PCDHGB3: variants seen among roughly 807,000 people sequenced by gnomAD.
PCDHGB3 encodes protocadherin gamma-B3.
PCDHGB3 carries 40 observed loss-of-function variants against 59.2 expected under a neutral mutation model. That is an observed-to-expected ratio of 0.68 (90% CI 0.52 to 0.88). The LOEUF (loss-of-function observed/expected upper bound fraction) is 0.88, where lower values mean the gene tolerates loss of function less well. Ranked by LOEUF, PCDHGB3 falls within the 40% of genes least tolerant of loss-of-function variation. The probability of loss-of-function intolerance (pLI) is 0.00; values close to 1 mark genes in which losing one functional copy is unlikely to be tolerated. For synonymous variants in PCDHGB3, 581 were observed against 503.6 expected (o/e 1.15, Z -2.06); for missense variants, 1,309 against 1,187.9 (o/e 1.10, Z -1.50).
intron 1 of PCDHGB3, chr5:141,423,134 G>A: frequency 6.2e-7 from 1 of 1,613,680 alleles, no homozygotes; most frequent in South Asian, 1.1e-5. Flanking sequence ...CTGCTGGACA[G>A]AGACGCGCTC....
In PCDHGB3 at chr5:141,375,801, C is replaced by T; in HGVS notation, c.2415+2992C>T. ...CCCGCCCTCCCCACAGACGGTTCCA[C>T]TGGCGTGGAGCTGGCGCCCCGCTCC... On this transcript the variant is annotated intron_variant, in intron 1 of 3. Transcript: ENST00000576222. The T allele has an allele frequency of 2.5e-6, 4 of 1,614,248 alleles. No homozygotes were observed. The East Asian group carries it at 8.9e-5, about 36-fold the overall frequency.
At chr5:141,478,159 T>C (rs1456465606) in intron 1 of PCDHGB3, 2 of 1,614,064 alleles carry the variant, frequency 1.2e-6, no homozygotes, top group Admixed American at 1.7e-5. Flanking sequence ...CCTCTGGCTC[T>C]GCCCCCCGGG....
chr5:141,473,260 G>T (rs2099318007), intron 1 of PCDHGB3, among the ~76,000 whole-genome samples: 1 of 152,148 alleles, frequency 6.6e-6, no homozygotes, highest in South Asian at 2.1e-4. Flanking sequence ...ATAGTCCTTA[G>T]TGTATGCTAT....
At chr5:141,475,553 TTGTC>T (rs2099365287) in intron 1 of PCDHGB3, among the ~76,000 whole-genome samples, 2 of 152,260 alleles carry the variant, frequency 1.3e-5, no homozygotes, top group Non-Finnish European at 2.9e-5. Context: ...GTCCGGCTAA[TTGTC>T]TGTCTTCCAA....
intron 1 of PCDHGB3, chr5:141,412,954 C>A (rs2095592297): frequency 2.1e-6 from 1 of 482,442 alleles, no homozygotes; most frequent in Non-Finnish European, 3.6e-6. Flanking sequence ...CGCCGCTGTT[C>A]ACCTACTAGG....
rs193229261 is a variant in PCDHGB3, at chr5:141,446,714, G to A, written c.2416-48093G>A. ...GCTGGTCTCGAACTCTGATCTGCCCGCCTCGGCCTCCCAAAGTGTGGGGAT... is the reference window on the plus strand; with the variant it reads ...GCTGGTCTCGAACTCTGATCTGCCCACCTCGGCCTCCCAAAGTGTGGGGAT... On this transcript the variant is annotated intron_variant, in intron 1 of 3. Transcript: ENST00000576222. Among the ~76,000 whole-genome samples the A allele has an allele frequency of 3.3e-3, 497 of 152,154 alleles. 2 individuals are homozygous for A. Among genetic ancestry groups the A allele is most frequent in the African/African-American group, 0.011 (450 of 41,528 alleles).
chr5:141,384,201 G>C (rs369190060), intron 1 of PCDHGB3: 30 of 1,613,802 alleles, frequency 1.9e-5, no homozygotes, highest in Non-Finnish European at 2.5e-5. Flanking sequence ...CCTTGTCCAG[G>C]GAAACTCACA....
chr5:141,508,919 C>T (rs1166086266), intron 3 of PCDHGB3, among the ~76,000 whole-genome samples: 1 of 151,996 alleles, frequency 6.6e-6, no homozygotes, highest in Non-Finnish European at 1.5e-5. Context: ...GATCTGGCTT[C>T]CTTTTGGAGT....
At chr5:141,417,955 G>C in intron 1 of PCDHGB3, 2 of 1,613,634 alleles carry the variant, frequency 1.2e-6, no homozygotes, top group Middle Eastern at 1.7e-4. Flanking sequence ...TGTGTGAGCC[G>C]ATCCGCTACT....
At chr5:141,422,111 T>A (rs763658255) in intron 1 of PCDHGB3, 1 of 1,606,408 alleles carries the variant, frequency 6.2e-7, no homozygotes, top group Admixed American at 1.7e-5. Context: ...ATATTCCAAT[T>A]GGATTCACAA....
chr5:141,415,071 G>C (rs757356726), intron 1 of PCDHGB3: 5 of 1,613,422 alleles, frequency 3.1e-6, no homozygotes, highest in Non-Finnish European at 1.7e-6. Context: ...AGGTGCGCAC[G>C]GCGCGAGCCC....
intron 1 of PCDHGB3, chr5:141,422,184 A>T: frequency 6.4e-7 from 1 of 1,561,838 alleles, no homozygotes; most frequent in Non-Finnish European, 8.6e-7. Context: ...ATGAGATGGA[A>T]ATTCAAGGCC....
rs780664832 is a variant in PCDHGB3 at position 141,422,982 on chromosome 5, T to C, written c.2415+50173T>C. On this transcript the variant is annotated intron_variant, in intron 1 of 3. Coordinates refer to ENST00000576222, the MANE Select transcript of PCDHGB3 (RefSeq NM_018924.5). ...AGCTGGCGCCCCGCTCTGCGGAACC[T>C]GGCTACCTGGTGACCAAGGTGGTTG... 2.5e-6 allele frequency: 4 copies of C among 1,614,206 alleles called. No individual in the cohort carries two copies. The South Asian group carries it at 4.4e-5, about 18-fold the overall frequency.
chr5:141,409,736 G>A (rs1053484390), intron 1 of PCDHGB3: 3 of 1,613,110 alleles, frequency 1.9e-6, no homozygotes, highest in Non-Finnish European at 2.5e-6. Flanking sequence ...CGCGCAGAGC[G>A]GGGTGGTGTT....
rs150897033 is a variant in PCDHGB3, at chr5:141,453,434, G to C, written c.2416-41373G>C. Among the ~76,000 whole-genome samples the C allele has an allele frequency of 3.9e-3, 592 of 151,994 alleles. 6 individuals are homozygous for C. The highest frequency in any genetic ancestry group is 0.011 in the Admixed American group (171 of 15,256). On this transcript the variant is annotated intron_variant, in intron 1 of 3. Coordinates refer to ENST00000576222, the MANE Select transcript of PCDHGB3 (RefSeq NM_018924.5). Reference sequence around the variant, plus strand: ...GGCATAAGCCACCACACCTAGCCTAGTATTCTTTTTTGAATATGTAAAACA... The same window carrying C: ...GGCATAAGCCACCACACCTAGCCTACTATTCTTTTTTGAATATGTAAAACA...
chr5:141,419,729 G>T (rs1436631336), intron 1 of PCDHGB3: 1 of 1,613,758 alleles, frequency 6.2e-7, no homozygotes, highest in Admixed American at 1.7e-5. Context: ...GCTGCGAACA[G>T]GCGAGGTGCG....
rs758879836 is a variant in PCDHGB3 at position 141,400,006 on chromosome 5, G to A, written c.2415+27197G>A. 3 of 1,612,536 alleles carry A rather than the reference G, an allele frequency of 1.9e-6. No homozygotes were observed. The South Asian group carries it at 3.3e-5, about 18-fold the overall frequency. On this transcript the variant is annotated intron_variant, in intron 1 of 3. Coordinates refer to ENST00000576222, the MANE Select transcript of PCDHGB3 (RefSeq NM_018924.5). ...CACAGGAGAGGTGCGCACAGCGCGT[G>A]CCTTGGGCGACAGGGACGCGGCCCG...
chr5:141,491,542 G>T lies in PCDHGB3; in HGVS notation c.2416-3265G>T, dbSNP rs112433306. The T allele has an allele frequency of 6.2e-7, 1 of 1,613,898 alleles. No homozygotes were observed. Among genetic ancestry groups the T allele is most frequent in the Admixed American group, 1.7e-5 (1 of 60,006 alleles). On this transcript the variant is annotated intron_variant, in intron 1 of 3. Transcript: ENST00000576222. This position sits in a 1 kb window ranked among gnomAD's most constrained non-coding sequence, Gnocchi z 6.9. ...CATGGAGGTGACGCTGCGGCCCACA[G>T]ACTCGCAGAGCCACTGCTACAGGAC...
Position 141,486,817 on chromosome 5 carries a change from T to A in PCDHGB3, c.2416-7990T>A, listed in dbSNP as rs143638501. On this transcript the variant is annotated intron_variant, in intron 1 of 3. Transcript: ENST00000576222. The surrounding 1 kb of genome is among the most constrained non-coding windows in gnomAD (Gnocchi z 5.0). ...GGGGCAACCCACCCCTTAGCAGCAC[T>A]GTAACAGTTCGTCTATTTGTGCTGG... 1 of 1,614,102 alleles carries A rather than the reference T, an allele frequency of 6.2e-7. No homozygotes were observed. Among genetic ancestry groups the A allele is most frequent in the East Asian group, 2.2e-5 (1 of 44,898 alleles).
Sources: allele counts gnomAD v4.1 joint callset (sites outside exome capture counted in the v4.1 genomes callset), GRCh38; gene constraint gnomAD v4.1.1; non-coding constraint Gnocchi (gnomAD v3.1); transcripts MANE v1.5; gene names NCBI Gene and HGNC (gene_info 2026-07-23, HGNC 2026-07-21).